VPS13B: variants seen among roughly 807,000 people sequenced by gnomAD.
VPS13B encodes vacuolar protein sorting 13 homolog B.
A neutral mutation model predicts 426.4 loss-of-function variants in VPS13B; 285 were observed. The observed-to-expected ratio is 0.67, with a 90% CI of 0.61 to 0.74. VPS13B has a LOEUF of 0.74. Among genes scored for constraint, VPS13B ranks in the 30% least tolerant of loss-of-function variants. VPS13B has a pLI of 0.00. For synonymous variants in VPS13B, 1,676 were observed against 1,676.4 expected, an observed-to-expected ratio of 1.00 and a Z score of 0.01; for missense variants, 4,537 against 4,782.6, an observed-to-expected ratio of 0.95 and a Z score of 1.51.
In VPS13B at chr8:99,352,102, G is replaced by C. The variant is rs1398783617; in HGVS notation, c.2825-32106G>C. Among the ~76,000 whole-genome samples the C allele has an allele frequency of 2.0e-5, 3 of 152,074 alleles. No homozygotes were observed. In the East Asian group the frequency reaches 5.8e-4, roughly 29 times the overall value. ...TTATATTAAATGGATCATTTTTCTT[G>C]CCCTCCTCCTGTGGAATCATAGCAT... On this transcript the variant is annotated intron_variant, in intron 19 of 61. Coordinates refer to ENST00000357162, the MANE Select transcript of VPS13B (RefSeq NM_152564.5).
intron 31 of VPS13B, among the ~76,000 whole-genome samples, chr8:99,566,248 T>A (rs939969615): frequency 3.3e-5 from 5 of 152,162 alleles, no homozygotes; most frequent in African/African-American, 1.2e-4. Context: ...TAGTAGGCAC[T>A]AAAAAATAAG....
At chr8:99,865,719 C>T (rs889365196) in intron 58 of VPS13B, among the ~76,000 whole-genome samples, 5 of 152,228 alleles carry the variant, frequency 3.3e-5, no homozygotes, top group Admixed American at 3.3e-4. Flanking sequence ...GTGCAGTACA[C>T]TCTATGGGTC....
At chr8:99,459,652 T>C (rs1338089139) in intron 23 of VPS13B, among the ~76,000 whole-genome samples, 1 of 152,180 alleles carries the variant, frequency 6.6e-6, no homozygotes, top group Admixed American at 6.5e-5. Flanking sequence ...TTTTTTATTT[T>C]ATCTCAAACA....
At chr8:99,795,581 A>G (rs1211979659) in intron 43 of VPS13B, among the ~76,000 whole-genome samples, 1 of 152,240 alleles carries the variant, frequency 6.6e-6, no homozygotes, top group Non-Finnish European at 1.5e-5. Context: ...AGCACTTATT[A>G]TCCCACAGTC....
At chr8:99,471,249 A>G (rs1398749912) in intron 24 of VPS13B, among the ~76,000 whole-genome samples, 1 of 152,084 alleles carries the variant, frequency 6.6e-6, no homozygotes, top group Non-Finnish European at 1.5e-5. Context: ...GGGTAAATAT[A>G]TTTTTTAAAA....
At chr8:99,380,123 A>G (rs1363630928) in intron 19 of VPS13B, among the ~76,000 whole-genome samples, 1 of 152,174 alleles carries the variant, frequency 6.6e-6, no homozygotes, top group Non-Finnish European at 1.5e-5. Context: ...CTTACTGTAT[A>G]TATCGTACTA....
At chr8:99,299,031 C>A (rs1820197261) in intron 19 of VPS13B, among the ~76,000 whole-genome samples, 1 of 137,946 alleles carries the variant, frequency 7.2e-6, no homozygotes, top group African/African-American at 2.7e-5. Flanking sequence ...AAAGAGCGAT[C>A]TTGGCCAAGT....
intron 39 of VPS13B, among the ~76,000 whole-genome samples, chr8:99,753,234 TA>T (rs1810485169): frequency 1.3e-5 from 2 of 152,286 alleles, no homozygotes; most frequent in South Asian, 2.1e-4. Context: ...TGGAAAGAAC[TA>T]AAGTAGTTCT....
At chr8:99,867,826 A>G (rs1817183273) in intron 58 of VPS13B, among the ~76,000 whole-genome samples, 1 of 152,236 alleles carries the variant, frequency 6.6e-6, no homozygotes. Context: ...CTACTAAATT[A>G]TGACTGTTAT....
At chr8:99,791,096 A>G (rs934382977) in intron 43 of VPS13B, among the ~76,000 whole-genome samples, 1 of 152,168 alleles carries the variant, frequency 6.6e-6, no homozygotes, top group South Asian at 2.1e-4. Flanking sequence ...GGAGGAGTAC[A>G]CCAAGAAGAA....
rs376885775 is a variant in VPS13B, at chr8:99,559,233, A to G, written c.4949+2580A>G. On this transcript the variant is annotated intron_variant, in intron 31 of 61. Transcript: ENST00000357162. ...TGAAAAGTGTCTGTTCATATCCTTC[A>G]CCCACTTTTTGATGGGGTTATTTGA... Among the ~76,000 whole-genome samples the G allele has an allele frequency of 2.2e-4, 34 of 151,888 alleles. No homozygotes were observed. In the East Asian group the frequency reaches 4.3e-3, roughly 19 times the overall value.
At position 99,374,808 on chromosome 8, in the gene VPS13B, C is replaced by A. The variant is rs561219681; in HGVS notation, c.2825-9400C>A. Reference sequence around the variant, plus strand: ...TGTTTTTTGAGAGCAAGATTAGGATCTTTGTTTTTGTATGGTTTGTAGTTT... The same window carrying A: ...TGTTTTTTGAGAGCAAGATTAGGATATTTGTTTTTGTATGGTTTGTAGTTT... On this transcript the variant is annotated intron_variant, in intron 19 of 61. Transcript: ENST00000357162. 5.1e-4 allele frequency among the ~76,000 whole-genome samples: 78 copies of A among 152,198 alleles called. 2 individuals are homozygous for A. The South Asian group carries it at 0.012, about 23-fold the overall frequency.
At chr8:99,591,891 G>A (rs1391110802) in intron 33 of VPS13B, among the ~76,000 whole-genome samples, 3 of 152,082 alleles carry the variant, frequency 2.0e-5, no homozygotes, top group Admixed American at 6.5e-5. Context: ...GAATTTGAAT[G>A]TTGGCCTGCC....
chr8:99,413,626 T>C (rs1215992928), intron 21 of VPS13B, among the ~76,000 whole-genome samples: 1 of 152,196 alleles, frequency 6.6e-6, no homozygotes, highest in Non-Finnish European at 1.5e-5. Flanking sequence ...TTCTGGTACA[T>C]TGTGTCTTAG....
intron 39 of VPS13B, among the ~76,000 whole-genome samples, chr8:99,734,862 G>C (rs1289935480): frequency 2.0e-5 from 3 of 152,140 alleles, no homozygotes; most frequent in African/African-American, 7.2e-5. Flanking sequence ...GTAATGGGAA[G>C]GGAAAATTAA....
chr8:99,259,616 G>T (rs1227171417), intron 17 of VPS13B, among the ~76,000 whole-genome samples: 1 of 152,114 alleles, frequency 6.6e-6, no homozygotes, highest in Non-Finnish European at 1.5e-5. Context: ...TGATTGGGAA[G>T]GGAGAGGGTG....
At chr8:99,274,384 C>T (rs1158190114) in intron 18 of VPS13B, 52 bp downstream of exon 18, 2 of 1,613,122 alleles carry the variant, frequency 1.2e-6, no homozygotes, top group Non-Finnish European at 1.7e-6. Flanking sequence ...GGAGAATTGG[C>T]CTTGCGTTTT....
At chr8:99,744,306 A>T (rs890753898) in intron 39 of VPS13B, among the ~76,000 whole-genome samples, 8 of 152,202 alleles carry the variant, frequency 5.3e-5, no homozygotes, top group Non-Finnish European at 1.0e-4. Context: ...GATCATTAAA[A>T]AGTCAGGAAA....
chr8:99,428,512 A>C (rs970961594), intron 21 of VPS13B, among the ~76,000 whole-genome samples: 2 of 152,224 alleles, frequency 1.3e-5, no homozygotes, highest in Non-Finnish European at 2.9e-5. Context: ...ACATTTTTGC[A>C]GCCAAAAGAC....
Sources: allele counts gnomAD v4.1 joint callset (sites outside exome capture counted in the v4.1 genomes callset), GRCh38; gene constraint gnomAD v4.1.1; transcripts MANE v1.5; gene names NCBI Gene and HGNC (gene_info 2026-07-23, HGNC 2026-07-21).